Variants in PRR16 observed in about 807,000 individuals in gnomAD.
PRR16 encodes the protein protein Largen.
A neutral mutation model predicts 18.2 loss-of-function variants in PRR16; 6 were observed. The ratio of observed to expected loss-of-function variants is 0.33; its 90% CI spans 0.18 to 0.65. The LOEUF is 0.65. Ranked by LOEUF, PRR16 falls within the 30% of genes least tolerant of loss-of-function variation. PRR16 has a pLI of 0.74. For missense variants in PRR16, 412 were observed against 376.6 expected, an observed-to-expected ratio of 1.09 and a Z score of -0.78; for synonymous variants, 151 against 147.8, an observed-to-expected ratio of 1.02 and a Z score of -0.16.
the PRR16 span, among the ~76,000 whole-genome samples, chr5:120,787,918 A>C: frequency 2.6e-5 from 4 of 152,126 alleles, no homozygotes; most frequent in South Asian, 6.2e-4. Flanking sequence ...TCAGAAACTT[A>C]TATTTTCTCT....
chr5:120,609,080 A>G (rs1374299525), intron 1 of PRR16, among the ~76,000 whole-genome samples: 12 of 151,312 alleles, frequency 7.9e-5, no homozygotes, highest in African/African-American at 2.7e-4. Context: ...ATAAGAAGAG[A>G]TGTTCTTTTT....
At position 120,686,121 on chromosome 5, in the gene PRR16, C is replaced by G; in HGVS notation, c.327C>G (p.His109Gln). ...ANAPLIKPPA[H>Q]PSAILTVLRK... is the part of the protein sequence containing the mutation. The stretch of plus-strand genomic sequence containing the variant: ...CACCGCTTATTAAACCCCCAGCACA[C>G]CCGTCTGCTATCCTCACGGTCCTGA... The change falls in exon 2 of 2, where the codon CAC (histidine) becomes CAG (glutamine). Residue 109 changes from histidine to glutamine, a missense_variant. Transcript: ENST00000407149. 1 of 1,614,098 alleles carries G rather than the reference C, an allele frequency of 6.2e-7. No homozygotes were observed. Among genetic ancestry groups the G allele is most frequent in the Non-Finnish European group, 8.5e-7 (1 of 1,180,008 alleles).
chr5:120,563,318 T>C (rs1397811448), intron 1 of PRR16, among the ~76,000 whole-genome samples: 2 of 152,198 alleles, frequency 1.3e-5, no homozygotes, highest in African/African-American at 2.4e-5. Flanking sequence ...ATTTGTGGAC[T>C]TCCCTTCAAG....
chr5:120,554,027 TACTA>T (rs1752337640), intron 1 of PRR16, among the ~76,000 whole-genome samples: 1 of 151,940 alleles, frequency 6.6e-6, no homozygotes, highest in South Asian at 2.1e-4. Flanking sequence ...ATGGAATGAA[TACTA>T]ACTAAATTCA....
chr5:120,619,836 A>G (rs1278213119), intron 1 of PRR16, among the ~76,000 whole-genome samples: 1 of 152,078 alleles, frequency 6.6e-6, no homozygotes, highest in Admixed American at 6.6e-5. Context: ...AAATATAAAG[A>G]TTAATAAGAC....
At chr5:120,675,267 A>T (rs1756756743) in intron 1 of PRR16, among the ~76,000 whole-genome samples, 1 of 152,202 alleles carries the variant, frequency 6.6e-6, no homozygotes, top group South Asian at 2.1e-4. Flanking sequence ...AGCTGCTGTT[A>T]ACCCGTACTC....
chr5:120,466,232 CCTTT>C (rs1156883424), intron 1 of PRR16, among the ~76,000 whole-genome samples: 1 of 152,054 alleles, frequency 6.6e-6, no homozygotes, highest in Non-Finnish European at 1.5e-5. Context: ...AAATGCTGTC[CCTTT>C]CTTTGTTATT....
At chr5:120,536,340 C>G (rs1302632969) in intron 1 of PRR16, among the ~76,000 whole-genome samples, 1 of 152,184 alleles carries the variant, frequency 6.6e-6, no homozygotes, top group African/African-American at 2.4e-5. Flanking sequence ...CTATAAACCT[C>G]AGCTGCAAAA....
chr5:120,764,001 G>T, the PRR16 span, among the ~76,000 whole-genome samples: 9 of 152,082 alleles, frequency 5.9e-5, no homozygotes, highest in Admixed American at 2.6e-4. Context: ...TCCTCTAAAT[G>T]TAAAGAGGGT....
chr5:120,654,112 A>G (rs1458115741), intron 1 of PRR16, among the ~76,000 whole-genome samples: 1 of 152,040 alleles, frequency 6.6e-6, no homozygotes, highest in African/African-American at 2.4e-5. Context: ...GATGTGAACA[A>G]CTTTCAGGAA....
intron 1 of PRR16, among the ~76,000 whole-genome samples, chr5:120,652,478 A>G (rs184732755): frequency 1.3e-5 from 2 of 151,904 alleles, no homozygotes; most frequent in East Asian, 3.9e-4. Flanking sequence ...GACCAGCTTA[A>G]TATCAATGTA....
At chr5:120,497,356 T>C (rs1750283354) in intron 1 of PRR16, among the ~76,000 whole-genome samples, 2 of 151,600 alleles carry the variant, frequency 1.3e-5, no homozygotes, top group African/African-American at 4.8e-5. Context: ...GTTCTATCAG[T>C]TTTTGCTTCC....
chr5:120,578,207 C>T (rs188155962), intron 1 of PRR16, among the ~76,000 whole-genome samples: 4 of 152,272 alleles, frequency 2.6e-5, no homozygotes, highest in Admixed American at 2.6e-4. Flanking sequence ...TGTCCTACTA[C>T]AAATACTCTT....
At chr5:120,768,886 G>A in the PRR16 span, among the ~76,000 whole-genome samples, 1 of 151,660 alleles carries the variant, frequency 6.6e-6, no homozygotes, top group Non-Finnish European at 1.5e-5. Flanking sequence ...TTGCTGTGAA[G>A]CTAATTAAAA....
At chr5:120,590,548 T>C (rs911735267) in intron 1 of PRR16, among the ~76,000 whole-genome samples, 1 of 152,088 alleles carries the variant, frequency 6.6e-6, no homozygotes, top group Non-Finnish European at 1.5e-5. Flanking sequence ...TTTAAAAACC[T>C]TGAGAATTTA....
Position 120,654,703 on chromosome 5 carries a change from A to G in PRR16, c.160-31251A>G, listed in dbSNP as rs562482217. Among the ~76,000 whole-genome samples, 3 of 152,152 alleles carry G rather than the reference A, an allele frequency of 2.0e-5. No homozygotes were observed. The Middle Eastern group carries it at 0.01, about 518-fold the overall frequency. On this transcript the variant is annotated intron_variant, in intron 1 of 1. Coordinates refer to ENST00000407149, the MANE Select transcript of PRR16 (RefSeq NM_001300783.2). ...AGAATATACTACATCCCTTAAAAAG[A>G]ATATGATTCTATGAAAATATGTAAT...
At chr5:120,490,347 G>C (rs536772757) in intron 1 of PRR16, among the ~76,000 whole-genome samples, 1 of 152,016 alleles carries the variant, frequency 6.6e-6, no homozygotes, top group East Asian at 1.9e-4. Flanking sequence ...GGCTTTGTTC[G>C]TTTCTTTTTA....
intron 1 of PRR16, among the ~76,000 whole-genome samples, chr5:120,547,478 C>G (rs894988193): frequency 2.0e-5 from 3 of 152,060 alleles, no homozygotes; most frequent in African/African-American, 7.2e-5. Context: ...GGCTGAGTCT[C>G]TCTAAACTTA....
At chr5:120,758,612 C>T in the PRR16 span, among the ~76,000 whole-genome samples, 1 of 152,158 alleles carries the variant, frequency 6.6e-6, no homozygotes, top group African/African-American at 2.4e-5. Context: ...AGGGAGTTCT[C>T]ACAAGATCTG....
Sources: allele counts gnomAD v4.1 joint callset (sites outside exome capture counted in the v4.1 genomes callset), GRCh38; gene constraint gnomAD v4.1.1; transcripts MANE v1.5; gene names NCBI Gene and HGNC (gene_info 2026-07-23, HGNC 2026-07-21).